The following MTRF1 variants were observed in gnomAD, a reference collection of about 807,000 sequenced individuals.
MTRF1 encodes peptide chain release factor 1, mitochondrial.
Under a neutral mutation model 62.9 loss-of-function variants are expected in MTRF1, and 51 were observed. The observed-to-expected ratio is 0.81, with a 90% CI of 0.65 to 1.02. MTRF1 has a LOEUF of 1.02. Ranked by LOEUF, MTRF1 falls within the 50% of genes least tolerant of loss-of-function variation. MTRF1 has a pLI of 0.00. For synonymous variants in MTRF1, 158 were observed against 181.9 expected, an observed-to-expected ratio of 0.87 and a Z score of 1.06; for missense variants, 446 against 530.0, an observed-to-expected ratio of 0.84 and a Z score of 1.56.
the MTRF1 span, among the ~76,000 whole-genome samples, chr13:41,292,363 T>C: frequency 6.6e-6 from 1 of 152,082 alleles, no homozygotes. Context: ...GGTGAGAGGA[T>C]CATGAGGTCA....
intron 5 of MTRF1, among the ~76,000 whole-genome samples, chr13:41,251,247 A>C (rs1401945105): frequency 6.6e-6 from 1 of 152,206 alleles, no homozygotes; most frequent in African/African-American, 2.4e-5. Context: ...ACTCTTAGTC[A>C]TATCTGGATT....
At chr13:41,230,415 C>T (rs2035323117) in intron 7 of MTRF1, among the ~76,000 whole-genome samples, 1 of 151,810 alleles carries the variant, frequency 6.6e-6, no homozygotes. Flanking sequence ...CATGCATGCG[C>T]CACCAGGCCC....
At chr13:41,282,406 G>A in the MTRF1 span, among the ~76,000 whole-genome samples, 1 of 150,936 alleles carries the variant, frequency 6.6e-6, no homozygotes, top group Non-Finnish European at 1.5e-5. Flanking sequence ...GCAGTGAGAT[G>A]GCACCACTGC....
At chr13:41,310,297 C>T in the MTRF1 span, among the ~76,000 whole-genome samples, 2 of 152,124 alleles carry the variant, frequency 1.3e-5, no homozygotes, top group African/African-American at 4.8e-5. Context: ...CCTGTTTCTC[C>T]CATTATTATA....
At chr13:41,289,730 G>T in the MTRF1 span, among the ~76,000 whole-genome samples, 2 of 152,172 alleles carry the variant, frequency 1.3e-5, no homozygotes, top group Non-Finnish European at 1.5e-5. Context: ...AGTATGCTCA[G>T]CAAATCAAAG....
At chr13:41,297,296 A>G in the MTRF1 span, among the ~76,000 whole-genome samples, 2 of 152,212 alleles carry the variant, frequency 1.3e-5, no homozygotes, top group South Asian at 2.1e-4. Flanking sequence ...ACCCAATGCC[A>G]ATCAGCCCAC....
intron 9 of MTRF1, among the ~76,000 whole-genome samples, chr13:41,219,687 G>T (rs1486977070): frequency 6.6e-6 from 1 of 152,094 alleles, no homozygotes; most frequent in Non-Finnish European, 1.5e-5. Flanking sequence ...AAATGAGCTG[G>T]GCATTTCCAT....
At chr13:41,271,092 C>A in the MTRF1 span, among the ~76,000 whole-genome samples, 1 of 133,668 alleles carries the variant, frequency 7.5e-6, no homozygotes, top group Non-Finnish European at 1.5e-5. Flanking sequence ...CACACACACA[C>A]CCCATATAGC....
At chr13:41,298,869 C>CA in the MTRF1 span, among the ~76,000 whole-genome samples, 1 of 152,046 alleles carries the variant, frequency 6.6e-6, no homozygotes, top group Non-Finnish European at 1.5e-5. Context: ...TAAATCTGGA[C>CA]AAGAAGTTCT....
In MTRF1 at chr13:41,242,568, T is replaced by C. The variant is rs2037658704; in HGVS notation, c.698-2135A>G. On this transcript the variant is annotated intron_variant, in intron 5 of 9. Coordinates refer to ENST00000379480, the MANE Select transcript of MTRF1 (RefSeq NM_004294.4). The stretch of plus-strand genomic sequence containing the variant: ...ATAGGAAATACCTCATGAGTTCATA[T>C]GATGTTGAGACCCAATTTTCCATGG... Among the ~76,000 whole-genome samples the C allele has an allele frequency of 2.0e-5, 3 of 152,210 alleles. No individual in the cohort carries two copies. In the South Asian group the frequency reaches 6.2e-4, roughly 32 times the overall value.
At chr13:41,307,863 A>G in the MTRF1 span, among the ~76,000 whole-genome samples, 4 of 152,310 alleles carry the variant, frequency 2.6e-5, no homozygotes, top group East Asian at 7.7e-4. Context: ...GTATGTGTGT[A>G]TGGTGTGTGA....
At chr13:41,311,817 C>T in the MTRF1 span, among the ~76,000 whole-genome samples, 1 of 152,228 alleles carries the variant, frequency 6.6e-6, no homozygotes, top group Non-Finnish European at 1.5e-5. Context: ...GCCTCACCCC[C>T]GCCGCGCTCT....
the MTRF1 span, among the ~76,000 whole-genome samples, chr13:41,269,007 T>A: frequency 6.7e-6 from 1 of 150,318 alleles, no homozygotes; most frequent in Non-Finnish European, 1.5e-5. Flanking sequence ...TGGTTTGACG[T>A]GACCATCCCT....
chr13:41,251,962 C>T (rs1377915242), intron 5 of MTRF1, among the ~76,000 whole-genome samples: 1 of 152,068 alleles, frequency 6.6e-6, no homozygotes, highest in Non-Finnish European at 1.5e-5. Flanking sequence ...TCACTGCAAC[C>T]TCCCCATCCC....
chr13:41,222,344 C>T (rs926400538), intron 9 of MTRF1, among the ~76,000 whole-genome samples: 1 of 152,092 alleles, frequency 6.6e-6, no homozygotes, highest in Non-Finnish European at 1.5e-5. Context: ...CAATCTTGAC[C>T]GAGTCTTTTC....
chr13:41,245,978 ATCT>A (rs2038192956), intron 5 of MTRF1, among the ~76,000 whole-genome samples: 1 of 151,842 alleles, frequency 6.6e-6, no homozygotes, highest in Non-Finnish European at 1.5e-5. Context: ...GCCCTAGTGG[ATCT>A]GTTTTGAGAG....
intron 9 of MTRF1, among the ~76,000 whole-genome samples, chr13:41,219,216 G>A (rs527408005): frequency 4.6e-5 from 7 of 151,694 alleles, no homozygotes; most frequent in African/African-American, 1.7e-4. Flanking sequence ...GCTTGAACCC[G>A]GGAGGCAGAG....
At chr13:41,301,593 C>T in the MTRF1 span, among the ~76,000 whole-genome samples, 2 of 152,016 alleles carry the variant, frequency 1.3e-5, no homozygotes, top group African/African-American at 4.8e-5. Context: ...ACTAAAAATG[C>T]AAGAATTAGC....
At chr13:41,247,798 A>G (rs1309453406) in intron 5 of MTRF1, among the ~76,000 whole-genome samples, 1 of 152,044 alleles carries the variant, frequency 6.6e-6, no homozygotes, top group Admixed American at 6.6e-5. Context: ...CCAATTTTGC[A>G]TTCTGGAACT....
Sources: allele counts gnomAD v4.1 joint callset (sites outside exome capture counted in the v4.1 genomes callset), GRCh38; gene constraint gnomAD v4.1.1; transcripts MANE v1.5; gene names NCBI Gene and HGNC (gene_info 2026-07-23, HGNC 2026-07-21).